Variants in CDH13 observed in about 807,000 individuals in gnomAD.
CDH13 encodes cadherin 13.
A neutral mutation model predicts 63.8 loss-of-function variants in CDH13; 24 were observed. The observed-to-expected ratio is 0.38, with a 90% CI of 0.27 to 0.53. The LOEUF is 0.53. CDH13 is among the 20% of genes least tolerant of loss of function. The pLI is 0.85. For synonymous variants in CDH13, 503 were observed against 355.3 expected (o/e 1.42, Z -4.67); for missense variants, 1,049 against 903.1 (o/e 1.16, Z -2.07).
At chr16:83,477,536 G>C (rs985485859) in intron 6 of CDH13, among the ~76,000 whole-genome samples, 23 of 152,122 alleles carry the variant, frequency 1.5e-4, no homozygotes, top group African/African-American at 5.3e-4. Context: ...TCTCGTGCCC[G>C]TTTAGTCAGT....
At chr16:83,034,659 T>C (rs1916685192) in intron 3 of CDH13, among the ~76,000 whole-genome samples, 1 of 152,212 alleles carries the variant, frequency 6.6e-6, no homozygotes, top group Admixed American at 6.5e-5. Flanking sequence ...GCGATTGTTC[T>C]TCGTGAATGG....
intron 2 of CDH13, among the ~76,000 whole-genome samples, chr16:82,866,089 A>T (rs2040126786): frequency 1.3e-5 from 2 of 152,174 alleles, no homozygotes; most frequent in Non-Finnish European, 2.9e-5. Context: ...AATTACCTTT[A>T]TTCCAGTTCC....
chr16:82,977,824 A>C (rs768113624), intron 2 of CDH13, among the ~76,000 whole-genome samples: 1 of 152,192 alleles, frequency 6.6e-6, no homozygotes, highest in Non-Finnish European at 1.5e-5. Context: ...AGAAGAAGAC[A>C]GGAAAATGTG....
intron 8 of CDH13, among the ~76,000 whole-genome samples, chr16:83,625,432 A>G (rs1165635588): frequency 6.6e-6 from 1 of 151,894 alleles, no homozygotes; most frequent in Admixed American, 6.6e-5. Flanking sequence ...CTTCAGGTCC[A>G]TTTTCTTCAT....
At chr16:82,738,043 G>C (rs954469661) in intron 1 of CDH13, among the ~76,000 whole-genome samples, 2 of 152,134 alleles carry the variant, frequency 1.3e-5, no homozygotes, top group African/African-American at 2.4e-5. Context: ...GTCAATTACA[G>C]GCGCTGTGTT....
chr16:83,078,313 T>A (rs951793761), intron 3 of CDH13, among the ~76,000 whole-genome samples: 1 of 152,196 alleles, frequency 6.6e-6, no homozygotes, highest in African/African-American at 2.4e-5. Flanking sequence ...ACTGGTTTCA[T>A]GGAAGGCAAT....
At chr16:82,928,607 A>G (rs2042381325) in intron 2 of CDH13, among the ~76,000 whole-genome samples, 1 of 152,230 alleles carries the variant, frequency 6.6e-6, no homozygotes, top group Non-Finnish European at 1.5e-5. Flanking sequence ...CTGGAGAATT[A>G]TGTTTTTTCA....
At chr16:82,932,763 C>G (rs2042539516) in intron 2 of CDH13, among the ~76,000 whole-genome samples, 1 of 152,032 alleles carries the variant, frequency 6.6e-6, no homozygotes, top group Non-Finnish European at 1.5e-5. Flanking sequence ...ATAACAAATT[C>G]AGAAGTGAAA....
intron 4 of CDH13, among the ~76,000 whole-genome samples, chr16:83,134,611 T>G (rs1178729811): frequency 6.6e-6 from 1 of 151,230 alleles, no homozygotes; most frequent in Non-Finnish European, 1.5e-5. Context: ...CATGACTGTA[T>G]TTCTGAATTT....
At chr16:82,890,383 C>T (rs2041037365) in intron 2 of CDH13, among the ~76,000 whole-genome samples, 1 of 152,178 alleles carries the variant, frequency 6.6e-6, no homozygotes, top group Non-Finnish European at 1.5e-5. Context: ...CAGCCTCAGC[C>T]TTCTTGGAAG....
chr16:83,202,688 G>A (rs1049906763), intron 4 of CDH13, among the ~76,000 whole-genome samples: 7 of 152,212 alleles, frequency 4.6e-5, no homozygotes, highest in African/African-American at 1.7e-4. Context: ...GGAAAGGGCA[G>A]TCAACGTGAA....
At chr16:82,965,665 A>G (rs1261441648) in intron 2 of CDH13, among the ~76,000 whole-genome samples, 2 of 152,012 alleles carry the variant, frequency 1.3e-5, no homozygotes, top group Non-Finnish European at 2.9e-5. Context: ...ATTATTTTTT[A>G]AATTTTTAGT....
intron 7 of CDH13, among the ~76,000 whole-genome samples, chr16:83,548,059 A>G (rs906886929): frequency 6.6e-6 from 1 of 151,904 alleles, no homozygotes; most frequent in Admixed American, 6.6e-5. Flanking sequence ...TGGAATTATC[A>G]CCTGGGCTGC....
chr16:82,952,356 T>A (rs1029458813), intron 2 of CDH13, among the ~76,000 whole-genome samples: 1 of 152,180 alleles, frequency 6.6e-6, no homozygotes, highest in Non-Finnish European at 1.5e-5. Flanking sequence ...TATTTCTATA[T>A]GCAAAGCTGA....
chr16:83,583,951 G>C (rs1164499496), intron 7 of CDH13, among the ~76,000 whole-genome samples: 1 of 151,942 alleles, frequency 6.6e-6, no homozygotes, highest in African/African-American at 2.4e-5. Flanking sequence ...ATTTAAAAAA[G>C]CAGAGCTGAG....
chr16:83,529,040 G>A lies in CDH13; in HGVS notation c.960+42385G>A, dbSNP rs188288865. ...GGAGTATGAAAATCTCAGATTAGAA[G>A]AGAAGATGGAGGTCATTCCACCCAA... On this transcript the variant is annotated intron_variant, in intron 7 of 13. Transcript: ENST00000567109. 4.6e-5 allele frequency among the ~76,000 whole-genome samples: 7 copies of A among 151,888 alleles called. No homozygotes were observed. The East Asian group carries it at 1.4e-3, about 30-fold the overall frequency.
At chr16:83,479,298 T>C (rs1463736486) in intron 6 of CDH13, among the ~76,000 whole-genome samples, 1 of 152,196 alleles carries the variant, frequency 6.6e-6, no homozygotes, top group Non-Finnish European at 1.5e-5. Context: ...GCTATTTCCC[T>C]CGTCATGATT....
intron 4 of CDH13, among the ~76,000 whole-genome samples, chr16:83,144,088 A>G (rs369323741): frequency 1.6e-4 from 24 of 152,268 alleles, no homozygotes; most frequent in Admixed American, 1.2e-3. Flanking sequence ...GGGGAAGGAT[A>G]AAATGAAATC....
At chr16:83,523,070 C>T (rs571876626) in intron 7 of CDH13, among the ~76,000 whole-genome samples, 26 of 152,294 alleles carry the variant, frequency 1.7e-4, no homozygotes, top group African/African-American at 4.8e-4. Context: ...TCTGGACCCC[C>T]GGCCTCCCTA....
Sources: allele counts gnomAD v4.1 joint callset (sites outside exome capture counted in the v4.1 genomes callset), GRCh38; gene constraint gnomAD v4.1.1; transcripts MANE v1.5; gene names NCBI Gene and HGNC (gene_info 2026-07-23, HGNC 2026-07-21).